Variants in TEX11 observed in about 807,000 individuals in gnomAD.
The protein encoded by TEX11 is testis-expressed protein 11.
A neutral mutation model predicts 84.4 loss-of-function variants in TEX11; 7 were observed. The ratio of observed to expected loss-of-function variants is 0.08; its 90% CI spans 0.05 to 0.16. The LOEUF is 0.16. Among genes scored for constraint, TEX11 ranks in the 10% least tolerant of loss-of-function variants. The pLI, the probability that TEX11 is intolerant of heterozygous loss-of-function variation, is 1.00. For synonymous variants in TEX11, 264 were observed against 222.8 expected (o/e 1.18, Z -1.64); for missense variants, 551 against 660.5 (o/e 0.83, Z 1.82).
chrX:70,870,189 C>T (rs189655852), intron 4 of TEX11, among the ~76,000 whole-genome samples: 8 of 112,036 alleles, frequency 7.1e-5, no homozygotes, highest in Non-Finnish European at 1.5e-4. Flanking sequence ...TAAACTATTC[C>T]TTCCGAAATC....
chrX:70,750,933 A>AATATATAT lies in TEX11; in HGVS notation c.693-6722_693-6715dup, dbSNP rs1169707708. Among the ~76,000 whole-genome samples the AATATATAT allele has an allele frequency of 1.2e-3, 34 of 28,187 alleles. 1 individual carries two copies. Among genetic ancestry groups the AATATATAT allele is most frequent in the East Asian group, 7.0e-3 (4 of 569 alleles). The allele number at this position is 28,187 out of a possible 115,157, so 24.5% of individuals were successfully genotyped here. A position where few individuals can be genotyped will look rare whatever the true frequency, so the allele number is the denominator to read the frequency against. On this transcript the variant is annotated intron_variant, in intron 9 of 29. Transcript: ENST00000374333. ...ACTTAAAGTATAATAAAAAAAAAAA[A>AATATATAT]ATATATATATATATATATATATATA...
At chrX:70,552,911 G>A (rs2088235950) in intron 27 of TEX11, among the ~76,000 whole-genome samples, 1 of 111,241 alleles carries the variant, frequency 9.0e-6, no homozygotes, top group Non-Finnish European at 1.9e-5. Flanking sequence ...GCAACATCAC[G>A]AGACCCCATC....
intron 9 of TEX11, among the ~76,000 whole-genome samples, chrX:70,778,023 C>T (rs1017152448): frequency 8.9e-6 from 1 of 111,927 alleles, no homozygotes; most frequent in African/African-American, 3.2e-5. Flanking sequence ...TAAGGACACA[C>T]ATAGGCTGAA....
intron 9 of TEX11, among the ~76,000 whole-genome samples, chrX:70,796,097 AT>A (rs775092475): frequency 8.9e-6 from 1 of 111,933 alleles, no homozygotes; most frequent in African/African-American, 3.2e-5. Flanking sequence ...AAACAAAAAA[AT>A]TCAGGATAAC....
intron 13 of TEX11, among the ~76,000 whole-genome samples, chrX:70,705,357 A>T (rs1186450054): frequency 9.0e-6 from 1 of 111,435 alleles, no homozygotes; most frequent in Non-Finnish European, 1.9e-5. Context: ...CTTGATGGGG[A>T]TGGCATTGAA....
At chrX:70,607,891 T>C (rs988176716) in intron 22 of TEX11, among the ~76,000 whole-genome samples, 3 of 112,182 alleles carry the variant, frequency 2.7e-5, no homozygotes, top group African/African-American at 9.7e-5. Flanking sequence ...TAAATGTTTG[T>C]TATTTTTCAT....
At chrX:70,749,119 C>T (rs1484820358) in intron 9 of TEX11, among the ~76,000 whole-genome samples, 2 of 106,341 alleles carry the variant, frequency 1.9e-5, no homozygotes, top group Non-Finnish European at 3.8e-5. Context: ...TGTAGTTCTC[C>T]TTGAAGAGGT....
At chrX:70,587,098 G>C (rs758625775) in intron 25 of TEX11, among the ~76,000 whole-genome samples, 1 of 112,066 alleles carries the variant, frequency 8.9e-6, no homozygotes, top group Admixed American at 9.5e-5. Flanking sequence ...GAGACGATCT[G>C]AAATTGGAAC....
chrX:70,882,129 A>T (rs1192876354), intron 2 of TEX11, among the ~76,000 whole-genome samples: 1 of 110,111 alleles, frequency 9.1e-6, no homozygotes, highest in Admixed American at 9.8e-5. Flanking sequence ...AAATATCTTG[A>T]CTCCTCTAAG....
At chrX:70,646,747 C>T (rs1308233998) in intron 17 of TEX11, among the ~76,000 whole-genome samples, 2 of 111,641 alleles carry the variant, frequency 1.8e-5, no homozygotes, top group East Asian at 2.8e-4. Flanking sequence ...GACAAGGATG[C>T]GGAGAATAGG....
intron 2 of TEX11, among the ~76,000 whole-genome samples, chrX:70,887,308 G>A (rs767514097): frequency 2.0e-4 from 22 of 112,034 alleles, no homozygotes; most frequent in Non-Finnish European, 3.0e-4. Context: ...CTTGGACACC[G>A]TCTCTGGACC....
chrX:70,752,044 A>G (rs2090829914), intron 9 of TEX11, among the ~76,000 whole-genome samples: 1 of 112,234 alleles, frequency 8.9e-6, no homozygotes, highest in African/African-American at 3.2e-5. Context: ...AATTCAGGAA[A>G]TTACACCAGA....
chrX:70,879,963 T>C (rs2091674540), intron 3 of TEX11, 25 bp downstream of exon 3: 1 of 1,135,960 alleles, frequency 8.8e-7, no homozygotes, highest in Non-Finnish European at 1.2e-6. Context: ...AAACTTATCA[T>C]AAACAGAATT....
Position 70,682,751 on chromosome X carries a change from A to G in TEX11, c.1079T>C (p.Leu360Pro). ...TAAAAGCATGTCAGTATGGAGTATC[A>G]GAACTTTTCCAATATTTTCCGATGA... ...FKSSENIGKVLILHTDMLLQR... is the reference protein window; with the variant it reads ...FKSSENIGKVPILHTDMLLQR... Residue 360 changes from leucine (L) to proline (P), a missense_variant, in exon 14 of 30, where the codon CTG (leucine) becomes CCG (proline). Leu to Pro is a moderately conservative substitution (Grantham distance 98). Transcript: ENST00000374333. 3 of 1,209,498 alleles carry G rather than the reference A, an allele frequency of 2.5e-6. No homozygotes were observed. Among genetic ancestry groups the G allele is most frequent in the Non-Finnish European group, 3.4e-6 (3 of 893,637 alleles).
chrX:70,534,276 G>T (rs1177391420), intron 28 of TEX11, among the ~76,000 whole-genome samples: 1 of 109,691 alleles, frequency 9.1e-6, no homozygotes, highest in East Asian at 2.8e-4. Context: ...GGAAGTAGAT[G>T]AATTTGAGAG....
In TEX11 at chrX:70,845,686, G is replaced by T. The variant is rs2091475646; in HGVS notation, c.525+7348C>A. ...CTACTAAAAATACAAAAATTAGCCA[G>T]GCATGGTGATGCGCACCTGTAGTCC... On this transcript the variant is annotated intron_variant, in intron 7 of 29. Coordinates refer to ENST00000374333, the MANE Select transcript of TEX11 (RefSeq NM_031276.3). 2.7e-5 allele frequency among the ~76,000 whole-genome samples: 3 copies of T among 110,265 alleles called. 1 individual carries two copies. Among genetic ancestry groups the T allele is most frequent in the South Asian group, 4.0e-4 (1 of 2,493 alleles).
the TEX11 span, among the ~76,000 whole-genome samples, chrX:70,519,018 G>A: frequency 1.8e-5 from 2 of 111,641 alleles, no homozygotes; most frequent in African/African-American, 3.3e-5. Context: ...CTGCGTGTGA[G>A]ATGGGTCTCC....
At chrX:70,684,910 C>A (rs2090175114) in intron 13 of TEX11, among the ~76,000 whole-genome samples, 1 of 111,663 alleles carries the variant, frequency 9.0e-6, no homozygotes, top group South Asian at 3.8e-4. Flanking sequence ...TACTACAAAG[C>A]TATAGTAATC....
At position 70,651,514 on chromosome X, in the gene TEX11, A is replaced by G. The variant is rs776776722; in HGVS notation, c.1419T>C (p.Pro473=). The G allele has an allele frequency of 3.3e-6, 4 of 1,208,133 alleles. No individual in the cohort carries two copies. Among genetic ancestry groups the G allele is most frequent in the Non-Finnish European group, 4.5e-6 (4 of 893,298 alleles). ...EAVAEAERHD[P]RNVFTQFYIF... is the part of the protein sequence containing the mutation. ...TATAAAATTGAGTGAAAACGTTCCT[A>G]GGGTCATGTCGTTCAGCTTCTGCCA... The change falls in exon 17 of 30, where the codon CCT becomes CCC. Residue 473 remains proline (P), a synonymous_variant. Transcript: ENST00000374333.
Sources: allele counts gnomAD v4.1 joint callset (sites outside exome capture counted in the v4.1 genomes callset), GRCh38; gene constraint gnomAD v4.1.1; transcripts MANE v1.5; gene names NCBI Gene and HGNC (gene_info 2026-07-23, HGNC 2026-07-21).